Variants in ZBTB20 observed in about 807,000 individuals in gnomAD.
ZBTB20 encodes zinc finger and BTB domain containing 20, also known as zinc finger and BTB domain-containing protein 20.
ZBTB20 carries 9 observed loss-of-function variants against 56.9 expected under a neutral mutation model. The ratio of observed to expected loss-of-function variants is 0.16; its 90% CI spans 0.10 to 0.28. The LOEUF (loss-of-function observed/expected upper bound fraction) is 0.28. Ranked by LOEUF, ZBTB20 falls within the 10% of genes least tolerant of loss-of-function variation. The probability of loss-of-function intolerance (pLI) is 1.00; values close to 1 mark genes in which losing one functional copy is unlikely to be tolerated. For synonymous variants in ZBTB20, 417 were observed against 420.7 expected (o/e 0.99, Z 0.11); for missense variants, 655 against 1,003.0 (o/e 0.65, Z 4.69).
At chr3:114,811,284 C>T (rs545635263) in intron 4 of ZBTB20, among the ~76,000 whole-genome samples, 19 of 152,240 alleles carry the variant, frequency 1.2e-4, no homozygotes, top group African/African-American at 4.3e-4. Flanking sequence ...GGAATAAGCT[C>T]CTTTTGGAAC....
intron 4 of ZBTB20, among the ~76,000 whole-genome samples, chr3:114,812,860 C>A (rs553025660): frequency 3.0e-4 from 45 of 152,334 alleles, no homozygotes; most frequent in African/African-American, 1.0e-3. Flanking sequence ...GCAGCTAAGG[C>A]CCGGCGAGAA....
At chr3:114,947,238 A>G (rs1301761192) in intron 3 of ZBTB20, among the ~76,000 whole-genome samples, 1 of 146,342 alleles carries the variant, frequency 6.8e-6, no homozygotes, top group East Asian at 1.9e-4. Flanking sequence ...ATCACTATAG[A>G]AAACAATATG....
chr3:114,574,595 T>G (rs1483700255), intron 6 of ZBTB20, among the ~76,000 whole-genome samples: 3 of 152,222 alleles, frequency 2.0e-5, no homozygotes, highest in African/African-American at 7.2e-5. Flanking sequence ...TCTCAATATC[T>G]TCATATCTGT....
intron 2 of ZBTB20, among the ~76,000 whole-genome samples, chr3:114,974,878 G>A (rs2078033669): frequency 6.6e-6 from 1 of 152,024 alleles, no homozygotes; most frequent in African/African-American, 2.4e-5. Flanking sequence ...AAAATAGTAG[G>A]TAAGGTTAGA....
chr3:114,836,388 C>G (rs554129690), intron 4 of ZBTB20, among the ~76,000 whole-genome samples: 1 of 152,090 alleles, frequency 6.6e-6, no homozygotes, highest in Non-Finnish European at 1.5e-5. Flanking sequence ...AAACAAGATG[C>G]TACAAGATGT....
At chr3:114,628,214 G>C (rs2058749335) in intron 6 of ZBTB20, among the ~76,000 whole-genome samples, 1 of 152,046 alleles carries the variant, frequency 6.6e-6, no homozygotes, top group Non-Finnish European at 1.5e-5. Flanking sequence ...TCATTTACTA[G>C]TTGGTATTTT....
intron 7 of ZBTB20, among the ~76,000 whole-genome samples, chr3:114,493,492 A>T (rs1409464307): frequency 6.6e-6 from 1 of 152,174 alleles, no homozygotes; most frequent in African/African-American, 2.4e-5. Flanking sequence ...AAAATCCTTA[A>T]CATGGCCTAC....
intron 7 of ZBTB20, among the ~76,000 whole-genome samples, chr3:114,455,714 C>A (rs1298806199): frequency 6.6e-6 from 1 of 152,080 alleles, no homozygotes; most frequent in Non-Finnish European, 1.5e-5. Context: ...ACGATCTCAT[C>A]TAAAAAGGCA....
intron 2 of ZBTB20, among the ~76,000 whole-genome samples, chr3:115,032,369 G>A (rs2080722298): frequency 2.0e-5 from 3 of 151,330 alleles, no homozygotes; most frequent in Non-Finnish European, 4.4e-5. Flanking sequence ...GTGGCTGCAG[G>A]AGACACAAGG....
chr3:115,034,026 C>T (rs541549640), intron 2 of ZBTB20, among the ~76,000 whole-genome samples: 106 of 151,730 alleles, frequency 7.0e-4, no homozygotes, highest in African/African-American at 2.4e-3. Context: ...TGCAGAAAAA[C>T]TACTTGACAA....
intron 6 of ZBTB20, among the ~76,000 whole-genome samples, chr3:114,692,206 A>G (rs996643732): frequency 1.3e-5 from 2 of 152,128 alleles, no homozygotes; most frequent in Non-Finnish European, 2.9e-5. Context: ...AAAGTCACCA[A>G]ATAAGCCTTT....
At chr3:114,718,064 T>A (rs1311322509) in intron 5 of ZBTB20, among the ~76,000 whole-genome samples, 4 of 152,130 alleles carry the variant, frequency 2.6e-5, no homozygotes, top group Admixed American at 2.6e-4. Context: ...TCTGATTTTA[T>A]GACTTTGATA....
intron 5 of ZBTB20, among the ~76,000 whole-genome samples, chr3:114,760,863 C>A (rs2108693756): frequency 6.6e-6 from 1 of 152,174 alleles, no homozygotes; most frequent in South Asian, 2.1e-4. Context: ...TAAGATAAAT[C>A]ATATTTGCAT....
intron 4 of ZBTB20, among the ~76,000 whole-genome samples, chr3:114,821,475 T>A (rs1348819619): frequency 2.0e-5 from 3 of 152,126 alleles, no homozygotes; most frequent in Non-Finnish European, 4.4e-5. Context: ...CTAGTTTGCC[T>A]GCAGCTCACC....
At chr3:114,360,046 CT>C (rs2081646828) in intron 10 of ZBTB20, among the ~76,000 whole-genome samples, 1 of 151,410 alleles carries the variant, frequency 6.6e-6, no homozygotes, top group Non-Finnish European at 1.5e-5. Context: ...GATTTTTTGA[CT>C]TTGGGAAAAC....
chr3:114,757,482 G>T (rs2068089681), intron 5 of ZBTB20, among the ~76,000 whole-genome samples: 1 of 151,948 alleles, frequency 6.6e-6, no homozygotes, highest in South Asian at 2.1e-4. Flanking sequence ...TCATAACTCT[G>T]TGGTATTCAT....
chr3:114,853,962 A>G lies in ZBTB20; in HGVS notation c.-417+46342T>C, dbSNP rs898894614. ...AGTAAATTTTCTAGTTACCTGTTTA[A>G]GCAGTTTTCTTTTAAACTTTAAGAT... On this transcript the variant is annotated intron_variant, in intron 4 of 11. Coordinates refer to ENST00000675478, the MANE Select transcript of ZBTB20 (RefSeq NM_001348800.3). Among the ~76,000 whole-genome samples, 3 of 152,190 alleles carry G rather than the reference A, an allele frequency of 2.0e-5. No homozygotes were observed. The South Asian group carries it at 6.2e-4, about 32-fold the overall frequency.
At chr3:114,839,467 G>GAAAGAAAGAAAGAA (rs1420146858) in intron 4 of ZBTB20, among the ~76,000 whole-genome samples, 17 of 150,336 alleles carry the variant, frequency 1.1e-4, no homozygotes, top group African/African-American at 2.2e-4. Context: ...AAGAAAGAAA[G>GAAAGAAAGAAAGAA]AGAGAGAGAA....
At chr3:114,343,731 C>T (rs1206375820) in intron 11 of ZBTB20, among the ~76,000 whole-genome samples, 1 of 152,186 alleles carries the variant, frequency 6.6e-6, no homozygotes, top group African/African-American at 2.4e-5. Flanking sequence ...GTCTAGTCTC[C>T]GTCAAGAGAC....
Sources: gnomAD v4.1 joint callset for allele counts (sites outside exome capture counted in the v4.1 genomes callset) on GRCh38, gnomAD v4.1.1 for gene constraint, MANE v1.5 for transcripts, NCBI Gene and HGNC (gene_info 2026-07-23, HGNC 2026-07-21) for gene names.